Variants in ASNS observed in about 807,000 individuals in gnomAD.
The protein encoded by ASNS is asparagine synthetase [glutamine-hydrolyzing].
ASNS carries 37 observed loss-of-function variants against 62.6 expected under a neutral mutation model. That is an observed-to-expected ratio of 0.59 (90% CI 0.45 to 0.78). The LOEUF is 0.78. Among genes scored for constraint, ASNS ranks in the 30% least tolerant of loss-of-function variants. The pLI, the probability that ASNS is intolerant of heterozygous loss-of-function variation, is 0.00. For synonymous variants in ASNS, 207 were observed against 237.9 expected (o/e 0.87, Z 1.19); for missense variants, 520 against 682.4 (o/e 0.76, Z 2.65).
upstream of ASNS, among the ~76,000 whole-genome samples, chr7:97,875,823 C>T (rs1209433216): frequency 6.6e-6 from 1 of 151,876 alleles, no homozygotes; most frequent in Non-Finnish European, 1.5e-5. Flanking sequence ...CATCAACCTT[C>T]ACAGAAGACA....
At chr7:97,888,335 T>G in the ASNS span, among the ~76,000 whole-genome samples, 1 of 151,698 alleles carries the variant, frequency 6.6e-6, no homozygotes, top group African/African-American at 2.4e-5. Context: ...TCTTTTTTTT[T>G]TTTTTTTTTA....
rs184035046 is a variant in ASNS at position 97,857,315 on chromosome 7, A to G, written c.904-499T>C. On this transcript the variant is annotated intron_variant, in intron 7 of 12. Transcript: ENST00000394308. ...CTAGCTTTTTCTCATCCATGCTACG[A>G]AAGTCCTCCATAGTGGGAACTAGGT... Among the ~76,000 whole-genome samples the G allele has an allele frequency of 6.6e-5, 10 of 152,276 alleles. No individual in the cohort carries two copies. In the East Asian group the frequency reaches 1.5e-3, roughly 24 times the overall value.
At chr7:97,915,959 T>C in the ASNS span, among the ~76,000 whole-genome samples, 1 of 152,168 alleles carries the variant, frequency 6.6e-6, no homozygotes, top group Admixed American at 6.5e-5. Context: ...GAGGCTGCCA[T>C]GGACTCAGAG....
chr7:97,878,615 T>G, the ASNS span, among the ~76,000 whole-genome samples: 2 of 152,132 alleles, frequency 1.3e-5, no homozygotes, highest in Admixed American at 6.5e-5. Flanking sequence ...CAAGGAAAAC[T>G]ACAAACCACT....
At chr7:97,918,992 T>C in the ASNS span, among the ~76,000 whole-genome samples, 4 of 152,192 alleles carry the variant, frequency 2.6e-5, no homozygotes, top group Non-Finnish European at 4.4e-5. Flanking sequence ...ACCCCAACCC[T>C]TCCCAGTGTT....
chr7:97,927,881 A>T, the ASNS span, among the ~76,000 whole-genome samples: 1 of 152,294 alleles, frequency 6.6e-6, no homozygotes, highest in South Asian at 2.1e-4. Flanking sequence ...ATCCGGGAGC[A>T]ACCCCAAGAC....
At chr7:97,859,422 T>G in intron 4 of ASNS, 24 bp from the exon 5 acceptor site, 1 of 1,560,386 alleles carries the variant, frequency 6.4e-7, no homozygotes, top group Non-Finnish European at 8.7e-7. Flanking sequence ...ATGATACCTT[T>G]ATTCAAATTA....
the ASNS span, chr7:97,908,390 A>C: frequency 6.6e-6 from 1 of 152,196 alleles, no homozygotes; most frequent in Non-Finnish European, 1.5e-5. Context: ...TGTCATCTTC[A>C]TATTAATAGT....
the ASNS span, among the ~76,000 whole-genome samples, chr7:97,924,389 A>G: frequency 1.3e-5 from 2 of 152,214 alleles, no homozygotes; most frequent in East Asian, 1.9e-4. Context: ...GCCACGGCAG[A>G]CACACCACGT....
intron 4 of ASNS, among the ~76,000 whole-genome samples, chr7:97,861,167 G>A (rs574683206): frequency 7.6e-4 from 115 of 151,858 alleles, no homozygotes; most frequent in Non-Finnish European, 1.4e-3. Flanking sequence ...GACTACAGGC[G>A]CCCGCCACCA....
chr7:97,918,168 G>A, the ASNS span, among the ~76,000 whole-genome samples: 1 of 152,186 alleles, frequency 6.6e-6, no homozygotes, highest in African/African-American at 2.4e-5. Context: ...GCAGACTGGT[G>A]TGAGTAAAAG....
At chr7:97,913,098 G>A in the ASNS span, 4 of 151,978 alleles carry the variant, frequency 2.6e-5, no homozygotes, top group Non-Finnish European at 5.9e-5. Context: ...GGAGACTGAG[G>A]CAGAGGCTTT....
chr7:97,898,552 C>T, the ASNS span: 1 of 588,142 alleles, frequency 1.7e-6, no homozygotes, highest in Admixed American at 2.5e-5. Flanking sequence ...CCAATGTTGT[C>T]TGGAATCAAT....
intron 4 of ASNS, 47 bp downstream of exon 4, chr7:97,864,212 G>A (rs560067579): frequency 1.2e-4 from 184 of 1,506,564 alleles, no homozygotes; most frequent in South Asian, 9.8e-4. Context: ...AAAAGAAAAC[G>A]TACAACCAAG....
the ASNS span, among the ~76,000 whole-genome samples, chr7:97,922,284 T>A: frequency 1.3e-5 from 2 of 152,008 alleles, no homozygotes; most frequent in African/African-American, 2.4e-5. Context: ...GAGGATTGAT[T>A]GAGCTTGGGA....
chr7:97,864,188 T>C (rs776531724), intron 4 of ASNS, 71 bp downstream of exon 4: 2 of 1,396,726 alleles, frequency 1.4e-6, no homozygotes, highest in African/African-American at 1.5e-5. Flanking sequence ...CTAAGAGATT[T>C]TCAAATATAA....
At position 97,867,755 on chromosome 7, in the gene ASNS, C is replaced by T. The variant is rs190649766; in HGVS notation, c.249+1153G>A. Among the ~76,000 whole-genome samples, 949 of 152,172 alleles carry T rather than the reference C, an allele frequency of 6.2e-3. 3 individuals are homozygous for T. The highest frequency in any genetic ancestry group is 5.9e-3 in the Non-Finnish European group (402 of 68,006). On this transcript the variant is annotated intron_variant, in intron 3 of 12. Coordinates refer to ENST00000394308, the MANE Select transcript of ASNS (RefSeq NM_001673.5). ...AAAATGATGTCTGGTGCATAGTAGA[C>T]CCTTAATAAAGGAATAAAGAAATGT... is the stretch of plus-strand genomic sequence containing the variant.
chr7:97,860,492 T>C (rs1407131929), intron 4 of ASNS, among the ~76,000 whole-genome samples: 1 of 152,158 alleles, frequency 6.6e-6, no homozygotes, highest in Non-Finnish European at 1.5e-5. Context: ...AACTGACATA[T>C]ATATATGCTT....
rs1196610754 is a variant in ASNS, at chr7:97,859,217, A to G, written c.669T>C (p.Phe223=). 4 of 1,600,928 alleles carry G rather than the reference A, an allele frequency of 2.5e-6. No individual in the cohort carries two copies. The highest frequency in any genetic ancestry group is 2.7e-5 in the African/African-American group (2 of 74,628). ...HALYDNVEKL[F]PGFEIETVKN... is the part of the protein sequence containing the mutation. ...AGGTGGGTGGGTGTCTGCTACCTGG[A>G]AAGAGTTTCTCCACATTGTCATAGA... is the stretch of plus-strand genomic sequence containing the variant. The change falls in exon 5 of 13, where the codon TTT becomes TTC. Residue 223 remains phenylalanine (F), a synonymous_variant. Coordinates refer to ENST00000394308, the MANE Select transcript of ASNS (RefSeq NM_001673.5).
Sources: gnomAD v4.1 joint callset for allele counts (sites outside exome capture counted in the v4.1 genomes callset) on GRCh38, gnomAD v4.1.1 for gene constraint, MANE v1.5 for transcripts, NCBI Gene and HGNC (gene_info 2026-07-23, HGNC 2026-07-21) for gene names.